Variants in STAG2 observed in about 807,000 individuals in gnomAD.
STAG2 encodes the protein STAG2 cohesin complex component.
A neutral mutation model predicts 108.1 loss-of-function variants in STAG2; 14 were observed. The ratio of observed to expected loss-of-function variants is 0.13; its 90% CI spans 0.09 to 0.20. The LOEUF (loss-of-function observed/expected upper bound fraction) is 0.20. Among genes scored for constraint, STAG2 ranks in the 10% least tolerant of loss-of-function variants. The probability of loss-of-function intolerance (pLI) is 1.00; values close to 1 mark genes in which losing one functional copy is unlikely to be tolerated. For synonymous variants in STAG2, 307 were observed against 302.7 expected, an observed-to-expected ratio of 1.01 and a Z score of -0.15; for missense variants, 440 against 940.9, an observed-to-expected ratio of 0.47 and a Z score of 6.96.
At chrX:124,004,627 C>T (rs1223286441) in intron 1 of STAG2, among the ~76,000 whole-genome samples, 1 of 111,703 alleles carries the variant, frequency 9.0e-6, no homozygotes, top group East Asian at 2.8e-4. Context: ...GTTGCTTCTA[C>T]CTTTTGGCAA....
chrX:123,980,850 C>T (rs952503032), intron 1 of STAG2, among the ~76,000 whole-genome samples: 7 of 111,835 alleles, frequency 6.3e-5, no homozygotes, highest in Non-Finnish European at 1.3e-4. Context: ...CAAAATAGCT[C>T]TGAAAAATAT....
At chrX:124,029,368 T>C (rs1308520353) in intron 4 of STAG2, among the ~76,000 whole-genome samples, 1 of 109,110 alleles carries the variant, frequency 9.2e-6, no homozygotes, top group Admixed American at 9.9e-5. Context: ...TGGAGTGCAG[T>C]GGTGTGATCT....
intron 1 of STAG2, among the ~76,000 whole-genome samples, chrX:123,995,308 A>C (rs1156577158): frequency 8.9e-6 from 1 of 112,263 alleles, no homozygotes; most frequent in African/African-American, 3.2e-5. Context: ...CCGTTTTAGC[A>C]GGAAATCATC....
At chrX:124,010,253 A>T (rs6608139) in intron 1 of STAG2, among the ~76,000 whole-genome samples, 25,719 of 110,663 alleles carry the variant, frequency 0.23, 2,219 homozygotes, top group South Asian at 0.38. Flanking sequence ...CTTGAAAGCC[A>T]GAAACTCTAT....
At chrX:124,080,460 C>T (rs973961049) in intron 27 of STAG2, among the ~76,000 whole-genome samples, 3 of 111,119 alleles carry the variant, frequency 2.7e-5, no homozygotes, top group Non-Finnish European at 5.7e-5. Context: ...GAGACTGAGG[C>T]GGGCAGATCA....
chrX:124,087,679 A>G (rs2059139918), intron 30 of STAG2, among the ~76,000 whole-genome samples: 1 of 112,435 alleles, frequency 8.9e-6, no homozygotes, highest in African/African-American at 3.2e-5. Context: ...AAAAACTAGC[A>G]TAGCGTAATT....
At chrX:124,031,556 TTTTG>T (rs1481358693) in intron 5 of STAG2, among the ~76,000 whole-genome samples, 3 of 76,154 alleles carry the variant, frequency 3.9e-5, no homozygotes, top group South Asian at 1.7e-3. Context: ...TGTTTGTTTT[TTTTG>T]TTTTTTTGTT....
At chrX:124,020,072 C>T (rs767316837) in intron 1 of STAG2, among the ~76,000 whole-genome samples, 1 of 112,818 alleles carries the variant, frequency 8.9e-6, no homozygotes, top group Non-Finnish European at 1.9e-5. Context: ...GTTAGTATAG[C>T]CTATGCTTTG....
intron 1 of STAG2, among the ~76,000 whole-genome samples, chrX:123,998,637 A>T (rs1360512822): frequency 9.4e-5 from 10 of 106,824 alleles, no homozygotes; most frequent in South Asian, 4.1e-4. Context: ...TATCTATCTA[A>T]CTAACTGATG....
chrX:124,100,431 CAT>C (rs1420219257), intron 34 of STAG2, 141 bp from the exon 35 acceptor site: 3 of 469,658 alleles, frequency 6.4e-6, no homozygotes, highest in Non-Finnish European at 1.1e-5. Flanking sequence ...TAGAATTATA[CAT>C]CTGAAGAGAG....
chrX:124,056,078 G>T, intron 13 of STAG2, 50 bp from the exon 14 acceptor site: 1 of 840,479 alleles, frequency 1.2e-6, no homozygotes, highest in Non-Finnish European at 1.7e-6. Context: ...CTGTTAATAT[G>T]CTTAGAATTA....
intron 26 of STAG2, among the ~76,000 whole-genome samples, chrX:124,076,928 C>T (rs764420698): frequency 9.0e-6 from 1 of 110,622 alleles, no homozygotes; most frequent in South Asian, 3.8e-4. Flanking sequence ...CTTTGGTTCT[C>T]AAAGTCTGAT....
chrX:124,076,228 C>T, intron 25 of STAG2, 104 bp from the exon 26 acceptor site: 1 of 809,697 alleles, frequency 1.2e-6, no homozygotes, highest in Non-Finnish European at 1.8e-6. Context: ...ATGTTTTTCC[C>T]TTTTCAAATT....
intron 25 of STAG2, 25 bp from the exon 26 acceptor site, chrX:124,076,307 T>G: frequency 2.5e-6 from 3 of 1,201,461 alleles, no homozygotes; most frequent in East Asian, 3.0e-5. Context: ...TACAAGATGC[T>G]TAATGTTTGG....
chrX:124,076,953 G>C (rs754223097), intron 26 of STAG2, among the ~76,000 whole-genome samples: 32 of 110,494 alleles, frequency 2.9e-4, no homozygotes, highest in South Asian at 7.6e-4. Context: ...TTAACCATAG[G>C]TTATTCATAA....
At chrX:124,074,182 G>A (rs969655942) in intron 25 of STAG2, among the ~76,000 whole-genome samples, 3 of 112,213 alleles carry the variant, frequency 2.7e-5, no homozygotes, top group South Asian at 3.7e-4. Flanking sequence ...CTCAGTATCC[G>A]GGATTATAGG....
At chrX:123,971,987 A>C (rs2147542196) in intron 1 of STAG2, among the ~76,000 whole-genome samples, 1 of 112,053 alleles carries the variant, frequency 8.9e-6, no homozygotes, top group South Asian at 3.6e-4. Flanking sequence ...GTGATTTTTA[A>C]AGCTATTTTA....
At chrX:124,088,587 C>T (rs1397698230) in intron 30 of STAG2, among the ~76,000 whole-genome samples, 1 of 107,181 alleles carries the variant, frequency 9.3e-6, no homozygotes, top group East Asian at 2.9e-4. Context: ...TCCTTAAAAC[C>T]TTACACACAT....
intron 1 of STAG2, among the ~76,000 whole-genome samples, chrX:123,995,915 G>A (rs1169295796): frequency 2.7e-5 from 3 of 111,795 alleles, no homozygotes; most frequent in African/African-American, 9.8e-5. Flanking sequence ...TGAGTAACAA[G>A]GGATTTATTG....
Sources: allele counts gnomAD v4.1 joint callset (sites outside exome capture counted in the v4.1 genomes callset), GRCh38; gene constraint gnomAD v4.1.1; transcripts MANE v1.5; gene names NCBI Gene and HGNC (gene_info 2026-07-23, HGNC 2026-07-21).